LARGE1: variants seen among roughly 807,000 people sequenced by gnomAD.
LARGE1 encodes LARGE xylosyl- and glucuronyltransferase 1.
Under a neutral mutation model 87.6 loss-of-function variants are expected in LARGE1, and 43 were observed. The ratio of observed to expected loss-of-function variants is 0.49; its 90% CI spans 0.38 to 0.63. The LOEUF (loss-of-function observed/expected upper bound fraction) is 0.63. LARGE1 is among the 30% of genes least tolerant of loss of function. The pLI, the probability that LARGE1 is intolerant of heterozygous loss-of-function variation, is 0.00. For synonymous variants in LARGE1, 434 were observed against 394.6 expected (o/e 1.10, Z -1.18); for missense variants, 802 against 1,000.2 (o/e 0.80, Z 2.67).
At chr22:33,235,428 G>A (rs996224915) in intron 11 of LARGE1, among the ~76,000 whole-genome samples, 9 of 152,180 alleles carry the variant, frequency 5.9e-5, no homozygotes, top group African/African-American at 2.2e-4. Context: ...TTGGACAAAA[G>A]GAAGAGTTAG....
At chr22:33,377,974 A>G (rs993500480) in intron 9 of LARGE1, among the ~76,000 whole-genome samples, 5 of 152,110 alleles carry the variant, frequency 3.3e-5, no homozygotes, top group African/African-American at 1.2e-4. Flanking sequence ...TTTTATTTCT[A>G]CATGTAATAA....
intron 6 of LARGE1, among the ~76,000 whole-genome samples, chr22:33,489,332 A>G (rs1188588043): frequency 6.6e-6 from 1 of 152,190 alleles, no homozygotes; most frequent in East Asian, 1.9e-4. Flanking sequence ...CAAACTGTCA[A>G]TCATTCATTC....
chr22:33,202,124 A>C (rs1227018085), intron 11 of LARGE1, among the ~76,000 whole-genome samples: 2 of 151,564 alleles, frequency 1.3e-5, no homozygotes, highest in Admixed American at 1.3e-4. Context: ...AAAAAGAATC[A>C]TTCTGGCTGC....
At chr22:33,922,097 G>A (rs1317279631), upstream of LARGE1, among the ~76,000 whole-genome samples, 1 of 152,056 alleles carries the variant, frequency 6.6e-6, no homozygotes, top group Non-Finnish European at 1.5e-5. Context: ...GCGGGCCGCC[G>A]GGTCTTTGCC....
chr22:33,167,211 A>G (rs1678422408), intron 11 of LARGE1, among the ~76,000 whole-genome samples: 1 of 152,192 alleles, frequency 6.6e-6, no homozygotes, highest in African/African-American at 2.4e-5. Flanking sequence ...TGAGGGGACC[A>G]GGAAAGTTCT....
intron 12 of LARGE1, among the ~76,000 whole-genome samples, chr22:33,288,504 T>C (rs1244400334): frequency 1.3e-5 from 2 of 152,186 alleles, no homozygotes; most frequent in Non-Finnish European, 2.9e-5. Flanking sequence ...TATATTACTA[T>C]CTATAGGATA....
At chr22:33,113,100 A>C in the LARGE1 span, among the ~76,000 whole-genome samples, 3 of 152,052 alleles carry the variant, frequency 2.0e-5, no homozygotes, top group Admixed American at 6.6e-5. Flanking sequence ...AAAGGAATAT[A>C]TGCTCATTTT....
chr22:33,530,391 T>C (rs973457359), intron 6 of LARGE1, among the ~76,000 whole-genome samples: 1 of 151,972 alleles, frequency 6.6e-6, no homozygotes, highest in African/African-American at 2.4e-5. Context: ...GGCCCAGAAT[T>C]TGGAAACGTT....
At chr22:33,188,282 T>C (rs137404) in intron 11 of LARGE1, among the ~76,000 whole-genome samples, 91,022 of 151,974 alleles carry the variant, frequency 0.6, 27,520 homozygotes, top group Middle Eastern at 0.66. Context: ...TGGACACTAA[T>C]GGAGACAGGA....
intron 4 of LARGE1, among the ~76,000 whole-genome samples, chr22:33,606,136 C>T (rs1265773188): frequency 6.6e-6 from 1 of 152,040 alleles, no homozygotes; most frequent in Non-Finnish European, 1.5e-5. Context: ...CAGGGCACGG[C>T]GGCTCACGCC....
intron 6 of LARGE1, among the ~76,000 whole-genome samples, chr22:33,475,157 T>C (rs900726078): frequency 2.6e-5 from 4 of 152,122 alleles, no homozygotes; most frequent in Admixed American, 1.3e-4. Context: ...TTTTCAGGAA[T>C]CTTGCCTAAT....
chr22:33,258,048 C>CTACA (rs1357590337), intron 11 of LARGE1, among the ~76,000 whole-genome samples: 1 of 152,022 alleles, frequency 6.6e-6, no homozygotes, highest in Non-Finnish European at 1.5e-5. Flanking sequence ...TTTTTTGAGA[C>CTACA]TACAGAGTCC....
intron 1 of LARGE1, among the ~76,000 whole-genome samples, chr22:33,817,440 TTCTCTC>T (rs141766413): frequency 1.3e-5 from 2 of 150,890 alleles, no homozygotes; most frequent in African/African-American, 4.8e-5. Flanking sequence ...TCGTTTGTGT[TTCTCTC>T]TCTCTCTCTT....
chr22:33,668,370 G>A (rs1310455624), intron 2 of LARGE1, among the ~76,000 whole-genome samples: 1 of 152,146 alleles, frequency 6.6e-6, no homozygotes, highest in African/African-American at 2.4e-5. Context: ...ATGAGTTAAG[G>A]ATCTTCCACT....
At chr22:33,684,242 C>T (rs1403665234) in intron 2 of LARGE1, among the ~76,000 whole-genome samples, 1 of 152,150 alleles carries the variant, frequency 6.6e-6, no homozygotes, top group East Asian at 1.9e-4. Context: ...ATGTCATCCA[C>T]TCCCTTCTCT....
chr22:33,288,940 G>C (rs1335152145), intron 12 of LARGE1, among the ~76,000 whole-genome samples: 2 of 151,474 alleles, frequency 1.3e-5, no homozygotes, highest in African/African-American at 4.9e-5. Context: ...TAGTATATTG[G>C]ATCAAGGAAT....
At chr22:33,242,393 A>G (rs1193243629) in intron 11 of LARGE1, among the ~76,000 whole-genome samples, 2 of 152,188 alleles carry the variant, frequency 1.3e-5, no homozygotes, top group African/African-American at 2.4e-5. Flanking sequence ...AAACTAGAAC[A>G]GAAATGTGTT....
chr22:33,318,058 C>A (rs938650590), intron 10 of LARGE1, among the ~76,000 whole-genome samples: 1 of 151,648 alleles, frequency 6.6e-6, no homozygotes, highest in Non-Finnish European at 1.5e-5. Flanking sequence ...AAGATGGTGA[C>A]ACCCCGTCTC....
At chr22:33,297,526 T>C (rs1488196189) in intron 12 of LARGE1, among the ~76,000 whole-genome samples, 3 of 151,278 alleles carry the variant, frequency 2.0e-5, no homozygotes, top group Admixed American at 6.6e-5. Flanking sequence ...GGCAGGACAA[T>C]TGCTTGAACC....
Sources: allele counts gnomAD v4.1 joint callset (sites outside exome capture counted in the v4.1 genomes callset), GRCh38; gene constraint gnomAD v4.1.1; transcripts MANE v1.5; gene names NCBI Gene and HGNC (gene_info 2026-07-23, HGNC 2026-07-21).